VAT1L: variants seen among roughly 807,000 people sequenced by gnomAD.
VAT1L encodes the protein vesicle amine transport 1 like.
VAT1L carries 34 observed loss-of-function variants against 44.1 expected under a neutral mutation model. That is an observed-to-expected ratio of 0.77 (90% confidence interval 0.59 to 1.03). The LOEUF is 1.03. Among genes scored for constraint, VAT1L ranks in the 50% least tolerant of loss-of-function variants. VAT1L has a pLI of 0.00. For missense variants in VAT1L, 615 were observed against 538.8 expected (o/e 1.14, Z -1.40); for synonymous variants, 253 against 202.2 (o/e 1.25, Z -2.13).
intron 3 of VAT1L, among the ~76,000 whole-genome samples, chr16:77,858,226 C>G (rs903844081): frequency 6.6e-6 from 1 of 152,080 alleles, no homozygotes; most frequent in Non-Finnish European, 1.5e-5. Context: ...GGGCAACCAA[C>G]TCTATCTGGG....
chr16:77,857,668 T>C (rs959364736), intron 3 of VAT1L, among the ~76,000 whole-genome samples: 10 of 150,278 alleles, frequency 6.7e-5, no homozygotes, highest in Middle Eastern at 3.6e-3. Flanking sequence ...ATAGATAGTA[T>C]ATATTATGTA....
At chr16:77,805,865 C>CTTTTTTTTTTGTTTTTTTTTTTT (rs2016147614) in intron 1 of VAT1L, among the ~76,000 whole-genome samples, 1 of 78,838 alleles carries the variant, frequency 1.3e-5, no homozygotes, top group Non-Finnish European at 2.8e-5. Flanking sequence ...TAGTCTCTGC[C>CTTTTTTTTTTGTTTTTTTTTTTT]TTTTTTTTTT....
chr16:77,829,330 A>T (rs1398041868), intron 3 of VAT1L, among the ~76,000 whole-genome samples: 1 of 152,214 alleles, frequency 6.6e-6, no homozygotes, highest in East Asian at 1.9e-4. Context: ...TTTCCTAAAT[A>T]GGGTTATGTA....
At chr16:77,837,115 A>C (rs2016648103) in intron 3 of VAT1L, among the ~76,000 whole-genome samples, 1 of 152,178 alleles carries the variant, frequency 6.6e-6, no homozygotes, top group East Asian at 1.9e-4. Flanking sequence ...ACAGGTAGGC[A>C]GTGCTGAAAG....
intron 1 of VAT1L, among the ~76,000 whole-genome samples, chr16:77,802,615 A>AACACAAACACAC (rs1455679428): frequency 8.9e-6 from 1 of 112,044 alleles, no homozygotes; most frequent in African/African-American, 3.6e-5. Flanking sequence ...CCCCATCTCA[A>AACACAAACACAC]ACACACACAC....
At chr16:77,831,186 A>T (rs1272812427) in intron 3 of VAT1L, among the ~76,000 whole-genome samples, 1 of 152,216 alleles carries the variant, frequency 6.6e-6, no homozygotes, top group Non-Finnish European at 1.5e-5. Flanking sequence ...GTGGGGGGAC[A>T]CTAGGCAAAG....
intron 1 of VAT1L, 59 bp from the exon 2 acceptor site, chr16:77,816,862 C>T (rs1040713514): frequency 1.1e-5 from 16 of 1,502,026 alleles, no homozygotes; most frequent in South Asian, 2.7e-5. Flanking sequence ...AAAACCAGGT[C>T]GGTGCTTTCT....
At chr16:77,865,702 A>G (rs536505481) in intron 4 of VAT1L, among the ~76,000 whole-genome samples, 7 of 152,202 alleles carry the variant, frequency 4.6e-5, no homozygotes, top group African/African-American at 1.7e-4. Context: ...GGCCAAAGGA[A>G]GAGCATTTCT....
At chr16:77,957,964 A>G (rs1053400908) in intron 7 of VAT1L, among the ~76,000 whole-genome samples, 3 of 151,992 alleles carry the variant, frequency 2.0e-5, no homozygotes, top group South Asian at 2.1e-4. Flanking sequence ...CTGGAGTACA[A>G]TGGTGTGCTC....
At position 77,971,933 on chromosome 16, in the gene VAT1L, G is replaced by A. The variant is rs749995043; in HGVS notation, c.1161G>A (p.Leu387=). The stretch of plus-strand genomic sequence containing the variant: ...ATGTAGAAAAGACCCCAACTCCACT[G>A]GTGAGTGAAAAGCAGAGGAGTCTGT... ...ILDVEKTPTP[L]MANDSTETSE... The change falls in exon 8 of 9, where the codon CTG becomes CTA. Residue 387 remains leucine (L), a splice_region_variant and synonymous_variant. Coordinates refer to ENST00000302536, the MANE Select transcript of VAT1L (RefSeq NM_020927.3). 9.6e-5 allele frequency: 155 copies of A among 1,613,126 alleles called. No homozygotes were observed. The highest frequency in any genetic ancestry group is 1.2e-4 in the Non-Finnish European group (147 of 1,179,588).
At chr16:77,841,106 A>C (rs2016699902) in intron 3 of VAT1L, among the ~76,000 whole-genome samples, 1 of 152,172 alleles carries the variant, frequency 6.6e-6, no homozygotes, top group South Asian at 2.1e-4. Flanking sequence ...TTTGAGGCAG[A>C]GTCTTGCTGT....
At chr16:77,804,782 C>A (rs1188725340) in intron 1 of VAT1L, among the ~76,000 whole-genome samples, 1 of 152,164 alleles carries the variant, frequency 6.6e-6, no homozygotes, top group Non-Finnish European at 1.5e-5. Context: ...AGGCGGTGGT[C>A]TTTAGCTCCA....
chr16:77,817,147 C>T (rs1393312851), intron 2 of VAT1L, 97 bp downstream of exon 2: 14 of 1,485,032 alleles, frequency 9.4e-6, no homozygotes, highest in Middle Eastern at 2.2e-4. Context: ...TAACCTATGG[C>T]GTGCATTATT....
chr16:77,813,709 C>T (rs2016305138), intron 1 of VAT1L, among the ~76,000 whole-genome samples: 1 of 152,180 alleles, frequency 6.6e-6, no homozygotes, highest in African/African-American at 2.4e-5. Flanking sequence ...CTTTTGACAT[C>T]CTTTCTATTG....
chr16:77,842,350 C>T (rs966814019), intron 3 of VAT1L, among the ~76,000 whole-genome samples: 1 of 152,140 alleles, frequency 6.6e-6, no homozygotes, highest in Non-Finnish European at 1.5e-5. Context: ...CCTGCAGAGA[C>T]GAAATGGGTA....
intron 7 of VAT1L, among the ~76,000 whole-genome samples, chr16:77,969,190 C>G (rs1395886477): frequency 6.6e-6 from 1 of 152,208 alleles, no homozygotes; most frequent in Non-Finnish European, 1.5e-5. Flanking sequence ...GTTATCAGCA[C>G]ACTCCCAAGT....
chr16:77,868,971 T>C (rs185599932), intron 4 of VAT1L, among the ~76,000 whole-genome samples: 16 of 152,262 alleles, frequency 1.1e-4, no homozygotes, highest in African/African-American at 3.9e-4. Flanking sequence ...TTGAAAGCTC[T>C]TAAATGGAGT....
intron 7 of VAT1L, among the ~76,000 whole-genome samples, chr16:77,899,523 T>G (rs941417239): frequency 1.3e-5 from 2 of 152,254 alleles, no homozygotes; most frequent in East Asian, 3.8e-4. Context: ...AACTGCATGC[T>G]GTGTATGGAA....
At chr16:77,973,003 T>C (rs1008725288) in intron 8 of VAT1L, among the ~76,000 whole-genome samples, 5 of 151,826 alleles carry the variant, frequency 3.3e-5, no homozygotes, top group Admixed American at 6.6e-5. Flanking sequence ...TTTTTTTCTT[T>C]CACCAGAATA....
Sources: allele counts gnomAD v4.1 joint callset (sites outside exome capture counted in the v4.1 genomes callset), GRCh38; gene constraint gnomAD v4.1.1; transcripts MANE v1.5; gene names NCBI Gene and HGNC (gene_info 2026-07-23, HGNC 2026-07-21).